The following YEATS2 variants were observed in gnomAD, a reference collection of about 807,000 sequenced individuals.
The protein encoded by YEATS2 is YEATS domain containing 2, also known as YEATS domain-containing protein 2.
In YEATS2, 77 loss-of-function variants were observed where a neutral mutation model predicts 163.2. The ratio of observed to expected loss-of-function variants is 0.47; its 90% confidence interval spans 0.39 to 0.57. YEATS2 has a LOEUF of 0.57. Among genes scored for constraint, YEATS2 ranks in the 20% least tolerant of loss-of-function variants. The probability of loss-of-function intolerance (pLI) is 0.00; values close to 1 mark genes in which losing one functional copy is unlikely to be tolerated. For synonymous variants in YEATS2, 631 were observed against 645.1 expected, an observed-to-expected ratio of 0.98 and a Z score of 0.33; for missense variants, 1,549 against 1,729.8, an observed-to-expected ratio of 0.90 and a Z score of 1.85.
chr3:183,797,935 T>C lies in YEATS2; in HGVS notation c.3110T>C (p.Ile1037Thr), dbSNP rs1194442614. ...GKATVSGLLK[I>T]HSSQSSPQQA... ...CAATTTGTTCTAGGACTGTTAAAGATTCACTCCAGTCAGTCCAGTCCGCAG... is the reference window on the plus strand; with the variant it reads ...CAATTTGTTCTAGGACTGTTAAAGACTCACTCCAGTCAGTCCAGTCCGCAG... Residue 1037 changes from isoleucine (I) to threonine (T), a missense_variant, in exon 22 of 31, where the codon ATT becomes ACT. Transcript: ENST00000305135. The C allele has an allele frequency of 6.2e-7, 1 of 1,614,080 alleles. No individual in the cohort carries two copies. The highest frequency in any genetic ancestry group is 1.3e-5 in the African/African-American group (1 of 75,054).
intron 24 of YEATS2, chr3:183,801,073 A>G (rs1725623929): frequency 5.8e-6 from 1 of 173,442 alleles, no homozygotes; most frequent in Non-Finnish European, 1.2e-5. Flanking sequence ...GACAATAGAA[A>G]CTTAGCCACT....
intron 1 of YEATS2, among the ~76,000 whole-genome samples, chr3:183,711,324 T>C (rs1308740563): frequency 1.3e-5 from 2 of 151,198 alleles, no homozygotes; most frequent in East Asian, 1.9e-4. Flanking sequence ...AAAAAAAAAA[T>C]CAGCCGGGCG....
At chr3:183,776,832 A>G (rs1723047175) in intron 18 of YEATS2, among the ~76,000 whole-genome samples, 1 of 151,892 alleles carries the variant, frequency 6.6e-6, no homozygotes, top group African/African-American at 2.4e-5. Context: ...CATGCCTGTA[A>G]TCCCAGCTAC....
At chr3:183,792,176 G>A (rs574678763) in intron 21 of YEATS2, among the ~76,000 whole-genome samples, 12 of 150,526 alleles carry the variant, frequency 8.0e-5, no homozygotes, top group South Asian at 2.1e-4. Flanking sequence ...TGTGTAGAAC[G>A]TCCAGGTTCG....
Position 183,754,265 on chromosome 3 carries a change from A to AGCTGGAAGCT in YEATS2, c.1292_1293insTGGAAGCTGC (p.Ser432GlyfsTer16). ...ATGGCAATTCAGCTTTCCAGCCAAT[A>AGCTGGAAGCT]GCATCAAGCTGCAAAATTGTTCCAC... is the stretch of plus-strand genomic sequence containing the variant. On this transcript the variant is annotated frameshift_variant, in exon 11 of 31. Transcript: ENST00000305135. LOFTEE classifies it high-confidence loss of function. The AGCTGGAAGCT allele has an allele frequency of 6.2e-7, 1 of 1,614,206 alleles. No homozygotes were observed. Among genetic ancestry groups the AGCTGGAAGCT allele is most frequent in the Non-Finnish European group, 8.5e-7 (1 of 1,180,028 alleles).
chr3:183,761,529 C>G lies in YEATS2; in HGVS notation c.1679C>G (p.Ser560Cys). The G allele has an allele frequency of 6.2e-7, 1 of 1,614,172 alleles. No individual in the cohort carries two copies. The highest frequency in any genetic ancestry group is 8.5e-7 in the Non-Finnish European group (1 of 1,180,018). ...TVKQEDSLFA[S>C]MPPLCPIGSH... is the part of the protein sequence containing the mutation. ...CAGCAGGAGGATTCTTTGTTTGCATCTATGCCACCTCTTTGCCCAATTGGG... is the reference window on the plus strand; with the variant it reads ...CAGCAGGAGGATTCTTTGTTTGCATGTATGCCACCTCTTTGCCCAATTGGG... Residue 560 changes from serine to cysteine, a missense_variant, in exon 14 of 31, where the codon TCT becomes TGT. Transcript: ENST00000305135.
At chr3:183,717,043 C>G (rs754582884) in intron 2 of YEATS2, among the ~76,000 whole-genome samples, 2 of 152,122 alleles carry the variant, frequency 1.3e-5, no homozygotes, top group African/African-American at 4.8e-5. Context: ...CAGGTACCCC[C>G]CACTACGCCC....
chr3:183,708,067 G>T (rs1182168406), intron 1 of YEATS2, among the ~76,000 whole-genome samples: 1 of 151,586 alleles, frequency 6.6e-6, no homozygotes, highest in Non-Finnish European at 1.5e-5. Context: ...GAGGCACATA[G>T]AATTATTGAG....
At chr3:183,730,048 G>GTTTGTTTGTTTGTT (rs1560244221) in intron 7 of YEATS2, among the ~76,000 whole-genome samples, 4 of 20,820 alleles carry the variant, frequency 1.9e-4, no homozygotes, top group African/African-American at 5.1e-4. Flanking sequence ...GTGGTTTTTT[G>GTTTGTTTGTTTGTT]TTTGTTTTTT....
At chr3:183,736,110 C>T (rs1186839133) in intron 7 of YEATS2, among the ~76,000 whole-genome samples, 2 of 152,136 alleles carry the variant, frequency 1.3e-5, no homozygotes. Context: ...CCCGCCCCTC[C>T]TTTTTTCTTC....
At chr3:183,725,184 T>C (rs1283405101) in intron 6 of YEATS2, among the ~76,000 whole-genome samples, 1 of 152,018 alleles carries the variant, frequency 6.6e-6, no homozygotes, top group Non-Finnish European at 1.5e-5. Flanking sequence ...CCTTGCACAG[T>C]ATCCACAAAG....
At chr3:183,698,590 A>G (rs1002246184) in intron 1 of YEATS2, among the ~76,000 whole-genome samples, 1 of 152,242 alleles carries the variant, frequency 6.6e-6, no homozygotes, top group Non-Finnish European at 1.5e-5. Context: ...TTTCTCCATC[A>G]TGAATGTGAT....
intron 15 of YEATS2, among the ~76,000 whole-genome samples, chr3:183,766,655 A>T (rs1577145111): frequency 6.6e-6 from 1 of 152,238 alleles, no homozygotes; most frequent in African/African-American, 2.4e-5. Context: ...AGGTGAGTTC[A>T]GGCTCTAGGC....
At chr3:183,730,203 T>G (rs1295062231) in intron 7 of YEATS2, among the ~76,000 whole-genome samples, 2 of 150,796 alleles carry the variant, frequency 1.3e-5, no homozygotes, top group African/African-American at 4.9e-5. Flanking sequence ...CAGCTGTGAT[T>G]ACAGGTGCAC....
chr3:183,756,394 C>T (rs139257471), intron 11 of YEATS2, 134 bp from the exon 12 acceptor site: 16 of 759,464 alleles, frequency 2.1e-5, no homozygotes, highest in East Asian at 5.9e-5. Flanking sequence ...ACCGGGAGCA[C>T]GCAGTATCCA....
chr3:183,785,439 A>AACGC (rs1417033722), intron 19 of YEATS2, among the ~76,000 whole-genome samples: 1 of 150,508 alleles, frequency 6.6e-6, no homozygotes, highest in Non-Finnish European at 1.5e-5. Context: ...CAGTAAGCCA[A>AACGC]GATTGCGCCA....
chr3:183,712,192 A>C (rs554127846), intron 1 of YEATS2, among the ~76,000 whole-genome samples: 2 of 140,488 alleles, frequency 1.4e-5, no homozygotes, highest in African/African-American at 5.7e-5. Context: ...ATGTTCTTTT[A>C]TTTTATTTTA....
chr3:183,699,755 T>C (rs1023034872), intron 1 of YEATS2, among the ~76,000 whole-genome samples: 2 of 152,126 alleles, frequency 1.3e-5, no homozygotes, highest in Admixed American at 6.6e-5. Context: ...CAAAATGGCA[T>C]GTATCATGGC....
At chr3:183,772,179 T>A in intron 15 of YEATS2, 126 bp from the exon 16 acceptor site, 1 of 1,335,576 alleles carries the variant, frequency 7.5e-7, no homozygotes, top group South Asian at 1.4e-5. Flanking sequence ...TGTAGGTAGC[T>A]TTCCTAGATG....
Sources: gnomAD v4.1 joint callset for allele counts (sites outside exome capture counted in the v4.1 genomes callset) on GRCh38, gnomAD v4.1.1 for gene constraint, MANE v1.5 for transcripts, NCBI Gene and HGNC (gene_info 2026-07-23, HGNC 2026-07-21) for gene names.